PLB1: variants seen among roughly 807,000 people sequenced by gnomAD.
PLB1 encodes phospholipase B1, membrane-associated.
PLB1 carries 242 observed loss-of-function variants against 227.4 expected under a neutral mutation model. That is an observed-to-expected ratio of 1.06 (90% CI 0.96 to 1.18). The LOEUF (loss-of-function observed/expected upper bound fraction) is 1.18. Ranked by LOEUF, PLB1 falls within the 50% of genes most tolerant of loss-of-function variation. PLB1 has a pLI of 0.00. For missense variants in PLB1, 1,858 were observed against 1,816.3 expected (o/e 1.02, Z -0.42); for synonymous variants, 757 against 682.2 (o/e 1.11, Z -1.71).
rs751628379 is a variant in PLB1 at position 28,552,907 on chromosome 2, T to A, written c.1084-21T>A. On this transcript the variant is annotated intron_variant, in intron 16 of 57. Transcript: ENST00000327757. ...TTTAGAAAAATCCATTTTCCTTATT[T>A]CCCTGTGTGTCTCATTTCAGGTAAG... The A allele has an allele frequency of 3.1e-6, 5 of 1,611,044 alleles. No homozygotes were observed. The East Asian group carries it at 1.1e-4, about 36-fold the overall frequency.
At chr2:28,530,407 G>A (rs1670862727) in intron 8 of PLB1, among the ~76,000 whole-genome samples, 3 of 152,196 alleles carry the variant, frequency 2.0e-5, no homozygotes, top group Admixed American at 6.5e-5. Flanking sequence ...GGTTTTGGGA[G>A]CATTAAATGA....
rs772203288 is a variant in PLB1, at chr2:28,633,032, A to G, written c.4091A>G (p.Asn1364Ser). The change falls in exon 56 of 58, where the codon AAC (asparagine) becomes AGC (serine). Residue 1364 changes from asparagine to serine, a missense_variant. Physicochemically the swap from Asn to Ser is conservative, Grantham distance 46 (BLOSUM62 1). Coordinates refer to ENST00000327757, the MANE Select transcript of PLB1 (RefSeq NM_153021.5). The stretch of plus-strand genomic sequence containing the variant: ...GCCGAGATGGCCATCGCACTCTGGA[A>G]CAACATGGTGAGCAGCCAAGGGCCT... ...GHAEMAIALW[N>S]NMLEPVGRKT... 6.2e-7 allele frequency: 1 copy of G among 1,613,870 alleles called. No homozygotes were observed.
chr2:28,555,005 C>T (rs992483327), intron 17 of PLB1, among the ~76,000 whole-genome samples: 2 of 152,134 alleles, frequency 1.3e-5, no homozygotes, highest in African/African-American at 2.4e-5. Context: ...AACACTCGCT[C>T]TCCACCTGGA....
At chr2:28,579,762 C>T (rs1679609127) in intron 23 of PLB1, 55 bp downstream of exon 23, 2 of 1,446,638 alleles carry the variant, frequency 1.4e-6, no homozygotes, top group Admixed American at 1.7e-5. Context: ...ATTTTCACAG[C>T]CCGGTCACTT....
Position 28,529,370 on chromosome 2 carries a change from C to A in PLB1, c.379C>A (p.His127Asn). 1 of 1,611,070 alleles carries A rather than the reference C, an allele frequency of 6.2e-7. No homozygotes were observed. Among genetic ancestry groups the A allele is most frequent in the Non-Finnish European group, 8.5e-7 (1 of 1,177,216 alleles). The change falls in exon 7 of 58, where the codon CAC becomes AAC. Residue 127 changes from histidine to asparagine, a missense_variant. Physicochemically the swap from His to Asn is moderately conservative, Grantham distance 68. Coordinates refer to ENST00000327757, the MANE Select transcript of PLB1 (RefSeq NM_153021.5). ...TCCTTCTGTTCCAATGCCTGTGTGC[C>A]ACACTGGAAAGAGAGTCATACCCCA... ...FSPSVPMPVC[H>N]TGKRVIPHDG...
chr2:28,577,561 G>T (rs574334062), intron 21 of PLB1, among the ~76,000 whole-genome samples: 1 of 152,160 alleles, frequency 6.6e-6, no homozygotes, highest in African/African-American at 2.4e-5. Context: ...TAGTCACACC[G>T]GCCGGGCGCG....
chr2:28,613,930 A>G, intron 43 of PLB1, 101 bp from the exon 44 acceptor site: 2 of 940,516 alleles, frequency 2.1e-6, no homozygotes, highest in South Asian at 1.4e-5. Context: ...CAGAAGAATC[A>G]TGTTAAATAA....
At chr2:28,630,705 G>GC in intron 54 of PLB1, 41 bp downstream of exon 54, 1 of 1,550,236 alleles carries the variant, frequency 6.5e-7, no homozygotes, top group South Asian at 1.2e-5. Flanking sequence ...CAGCTGGGGG[G>GC]CCCCCTGTAC....
chr2:28,519,822 A>AT, intron 4 of PLB1, 59 bp downstream of exon 4: 1 of 1,395,952 alleles, frequency 7.2e-7, no homozygotes, highest in Non-Finnish European at 1.0e-6. Context: ...GATCCTCTGA[A>AT]TGGGCTCCTG....
At chr2:28,508,119 A>C (rs1234959403) in intron 1 of PLB1, among the ~76,000 whole-genome samples, 1 of 152,226 alleles carries the variant, frequency 6.6e-6, no homozygotes, top group East Asian at 1.9e-4. Flanking sequence ...AAGTCTTTCT[A>C]TAACCTTCTT....
chr2:28,537,658 CAAAA>C (rs771254945), intron 9 of PLB1, among the ~76,000 whole-genome samples: 33 of 56,226 alleles, frequency 5.9e-4, no homozygotes, highest in African/African-American at 1.9e-3. Context: ...GACTCCATCT[CAAAA>C]AAAAAAAAAA....
chr2:28,555,228 AC>A (rs1409659020), intron 17 of PLB1, among the ~76,000 whole-genome samples: 8 of 134,334 alleles, frequency 6.0e-5, no homozygotes, highest in Non-Finnish European at 1.1e-4. Flanking sequence ...TGCAACCTCC[AC>A]CCCCTGGGTT....
intron 44 of PLB1, among the ~76,000 whole-genome samples, chr2:28,615,284 A>G (rs559165660): frequency 4.6e-5 from 7 of 152,262 alleles, no homozygotes; most frequent in African/African-American, 1.7e-4. Context: ...AAGGAGCCAG[A>G]TCACACAAAG....
Position 28,502,141 on chromosome 2 carries a change from A to G in PLB1, c.55+5972A>G, listed in dbSNP as rs150311913. ...TTTTTCATAGCTTGACAATAAAGCT[A>G]TATTGACAACAAAGCATGCAGTCAA... On this transcript the variant is annotated intron_variant, in intron 1 of 57. Coordinates refer to ENST00000327757, the MANE Select transcript of PLB1 (RefSeq NM_153021.5). 5.5e-3 allele frequency among the ~76,000 whole-genome samples: 832 copies of G among 152,350 alleles called. 8 individuals carry two copies. The highest frequency in any genetic ancestry group is 0.019 in the African/African-American group (791 of 41,592).
intron 42 of PLB1, 67 bp downstream of exon 42, chr2:28,606,015 G>A (rs1365955540): frequency 3.4e-5 from 44 of 1,299,336 alleles, no homozygotes; most frequent in Non-Finnish European, 4.6e-5. Context: ...AGCCCCTATA[G>A]AATGGAGTCT....
chr2:28,546,427 A>C (rs887657974), intron 14 of PLB1, among the ~76,000 whole-genome samples: 4 of 151,960 alleles, frequency 2.6e-5, no homozygotes, highest in Non-Finnish European at 4.4e-5. Flanking sequence ...GAGGATTTTT[A>C]AGGTCATTGC....
chr2:28,497,722 A>C (rs1216607688), intron 1 of PLB1, among the ~76,000 whole-genome samples: 1 of 140,996 alleles, frequency 7.1e-6, no homozygotes, highest in Non-Finnish European at 1.6e-5. Context: ...TATATTCTCT[A>C]TTTTTTTTTT....
At chr2:28,604,786 A>C in intron 41 of PLB1, 27 bp downstream of exon 41, 1 of 1,594,386 alleles carries the variant, frequency 6.3e-7, no homozygotes, top group Non-Finnish European at 8.6e-7. Flanking sequence ...CACCCATGGT[A>C]CTCTTTTAGA....
intron 54 of PLB1, among the ~76,000 whole-genome samples, chr2:28,631,374 T>G (rs756384277): frequency 4.6e-5 from 7 of 152,134 alleles, no homozygotes; most frequent in Non-Finnish European, 8.8e-5. Flanking sequence ...TCTAAGGAGC[T>G]TCCCCTGCCT....
Sources: allele counts gnomAD v4.1 joint callset (sites outside exome capture counted in the v4.1 genomes callset), GRCh38; gene constraint gnomAD v4.1.1; transcripts MANE v1.5; gene names NCBI Gene and HGNC (gene_info 2026-07-23, HGNC 2026-07-21).